PALS2: variants seen among roughly 807,000 people sequenced by gnomAD.
The protein encoded by PALS2 is protein associated with LIN7 2, MAGUK p55 family member.
PALS2 carries 27 observed loss-of-function variants against 61.6 expected under a neutral mutation model. The observed-to-expected ratio is 0.44, with a 90% CI of 0.32 to 0.60. The LOEUF (loss-of-function observed/expected upper bound fraction) is 0.60, where lower values mean the gene tolerates loss of function less well. Among genes scored for constraint, PALS2 ranks in the 20% least tolerant of loss-of-function variants. PALS2 has a pLI of 0.05. For missense variants in PALS2, 554 were observed against 639.4 expected, an observed-to-expected ratio of 0.87 and a Z score of 1.44; for synonymous variants, 236 against 218.6, an observed-to-expected ratio of 1.08 and a Z score of -0.70.
At chr7:24,682,245 C>T (rs965796866) in intron 11 of PALS2, among the ~76,000 whole-genome samples, 1 of 151,848 alleles carries the variant, frequency 6.6e-6, no homozygotes. Flanking sequence ...TCTGTTCTGG[C>T]TAAGGGGGAA....
intron 2 of PALS2, among the ~76,000 whole-genome samples, chr7:24,636,625 C>T (rs370057903): frequency 9.6e-4 from 146 of 152,154 alleles, no homozygotes; most frequent in African/African-American, 3.3e-3. Context: ...TGCATTGAAA[C>T]GTCACATTGT....
At chr7:24,678,203 A>T (rs1369867830) in intron 9 of PALS2, among the ~76,000 whole-genome samples, 1 of 152,192 alleles carries the variant, frequency 6.6e-6, no homozygotes, top group Admixed American at 6.5e-5. Context: ...GCAACAGTTT[A>T]AAAAATGGTA....
At chr7:24,680,114 C>G (rs78642695) in intron 10 of PALS2, among the ~76,000 whole-genome samples, 2,451 of 152,128 alleles carry the variant, frequency 0.016, 79 homozygotes, top group African/African-American at 0.057. Context: ...CAGAATTCTA[C>G]AATTAACATA....
At chr7:24,657,844 G>A (rs1019561029) in intron 5 of PALS2, among the ~76,000 whole-genome samples, 4 of 152,112 alleles carry the variant, frequency 2.6e-5, no homozygotes, top group Admixed American at 2.6e-4. Context: ...GTACCTCTGA[G>A]TCTATGATAC....
At chr7:24,665,389 T>C (rs970699934) in intron 6 of PALS2, among the ~76,000 whole-genome samples, 199 bp from the exon 7 acceptor site, 1 of 152,208 alleles carries the variant, frequency 6.6e-6, no homozygotes, top group Admixed American at 6.5e-5. Flanking sequence ...ATGACAGATA[T>C]GAAGAATTTT....
intron 5 of PALS2, among the ~76,000 whole-genome samples, chr7:24,657,670 A>C (rs964292070): frequency 6.6e-6 from 1 of 152,164 alleles, no homozygotes; most frequent in African/African-American, 2.4e-5. Flanking sequence ...TTCTCTTAAC[A>C]ATGTCATTCA....
intron 1 of PALS2, among the ~76,000 whole-genome samples, chr7:24,578,928 A>T (rs1393000385): frequency 6.6e-6 from 1 of 152,236 alleles, no homozygotes; most frequent in Non-Finnish European, 1.5e-5. Flanking sequence ...GATATCTTTC[A>T]TGGGCATGAT....
chr7:24,683,045 A>G (rs1328571888), intron 11 of PALS2, among the ~76,000 whole-genome samples: 1 of 152,180 alleles, frequency 6.6e-6, no homozygotes, highest in Admixed American at 6.5e-5. Context: ...TCATAAGATT[A>G]ATCAGTGGGG....
At chr7:24,629,472 G>A (rs1728065028) in intron 2 of PALS2, among the ~76,000 whole-genome samples, 2 of 152,128 alleles carry the variant, frequency 1.3e-5, no homozygotes. Context: ...TGCAACAAAA[G>A]CCAAAATTGA....
chr7:24,684,641 T>G (rs1788103087), intron 11 of PALS2, among the ~76,000 whole-genome samples: 1 of 152,212 alleles, frequency 6.6e-6, no homozygotes, highest in African/African-American at 2.4e-5. Context: ...TTTTAGACCT[T>G]TTCAGTAACC....
At chr7:24,632,326 C>A (rs1785034790) in intron 2 of PALS2, among the ~76,000 whole-genome samples, 1 of 152,172 alleles carries the variant, frequency 6.6e-6, no homozygotes, top group Non-Finnish European at 1.5e-5. Flanking sequence ...TTTAATCTCT[C>A]TATATCTTTG....
chr7:24,686,513 G>A (rs965343860), intron 11 of PALS2, among the ~76,000 whole-genome samples: 5 of 151,686 alleles, frequency 3.3e-5, no homozygotes, highest in Admixed American at 6.6e-5. Context: ...TTTTCATTTA[G>A]TTCTCAGCTT....
chr7:24,656,913 C>T (rs932118303), intron 5 of PALS2, among the ~76,000 whole-genome samples: 1 of 152,292 alleles, frequency 6.6e-6, no homozygotes, highest in African/African-American at 2.4e-5. Flanking sequence ...GCAGCTACTG[C>T]TCTGCTTTTT....
At chr7:24,574,925 A>G (rs552642126) in intron 1 of PALS2, among the ~76,000 whole-genome samples, 50 of 152,302 alleles carry the variant, frequency 3.3e-4, no homozygotes, top group Non-Finnish European at 6.2e-4. Context: ...CTACTGTGCA[A>G]TGATAGGGTA....
chr7:24,607,268 A>G (rs1276109524), intron 1 of PALS2, among the ~76,000 whole-genome samples: 1 of 152,160 alleles, frequency 6.6e-6, no homozygotes, highest in Non-Finnish European at 1.5e-5. Flanking sequence ...CAGCATTTAT[A>G]CTGGAGTGTT....
intron 9 of PALS2, among the ~76,000 whole-genome samples, chr7:24,672,415 G>A (rs1016589112): frequency 2.6e-5 from 4 of 151,774 alleles, no homozygotes; most frequent in African/African-American, 9.7e-5. Context: ...ATTTTTAGTA[G>A]AGACTTGCTT....
intron 1 of PALS2, among the ~76,000 whole-genome samples, chr7:24,592,698 A>G (rs1340721113): frequency 6.6e-6 from 1 of 152,168 alleles, no homozygotes; most frequent in Admixed American, 6.6e-5. Context: ...TTCCCAGTGC[A>G]TGTAAAAGTA....
chr7:24,624,605 C>CTTCTTCTTTTTTTT (rs1554302487), intron 2 of PALS2, among the ~76,000 whole-genome samples: 6 of 86,400 alleles, frequency 6.9e-5, no homozygotes, highest in African/African-American at 2.6e-4. Context: ...GCAGATTCTT[C>CTTCTTCTTTTTTTT]TTTTTTTTTT....
At chr7:24,613,517 T>A (rs1038222351) in intron 1 of PALS2, among the ~76,000 whole-genome samples, 2 of 151,886 alleles carry the variant, frequency 1.3e-5, no homozygotes, top group Non-Finnish European at 1.5e-5. Flanking sequence ...GATGTTTTAG[T>A]ACATACAATG....
Sources: gnomAD v4.1 joint callset for allele counts (sites outside exome capture counted in the v4.1 genomes callset) on GRCh38, gnomAD v4.1.1 for gene constraint, MANE v1.5 for transcripts, NCBI Gene and HGNC (gene_info 2026-07-23, HGNC 2026-07-21) for gene names.